The following SLC9A6 variants were observed in gnomAD, a reference collection of about 807,000 sequenced individuals.
SLC9A6 encodes sodium/hydrogen exchanger 6.
A neutral mutation model predicts 45.3 loss-of-function variants in SLC9A6; 6 were observed. The observed-to-expected ratio is 0.13, with a 90% CI of 0.07 to 0.26. The LOEUF (loss-of-function observed/expected upper bound fraction) is 0.26, where lower values mean the gene tolerates loss of function less well. SLC9A6 is among the 10% of genes least tolerant of loss of function. The probability of loss-of-function intolerance (pLI) is 1.00; values close to 1 mark genes in which losing one functional copy is unlikely to be tolerated. For synonymous variants in SLC9A6, 191 were observed against 187.7 expected, an observed-to-expected ratio of 1.02 and a Z score of -0.14; for missense variants, 278 against 503.7, an observed-to-expected ratio of 0.55 and a Z score of 4.29.
At chrX:135,985,971 C>G (rs1353572169) in intron 2 of SLC9A6, 144 bp downstream of exon 2, 3 of 708,778 alleles carry the variant, frequency 4.2e-6, no homozygotes, top group African/African-American at 4.3e-5. Context: ...TTCCCCCTAC[C>G]CCGCGTTTCT....
At chrX:136,020,948 T>C (rs782301714) in intron 11 of SLC9A6, among the ~76,000 whole-genome samples, 2 of 109,075 alleles carry the variant, frequency 1.8e-5, no homozygotes, top group Non-Finnish European at 3.8e-5. Context: ...AGCCCAAGAA[T>C]TGGCCATTTC....
chrX:136,028,428 G>T (rs1307265274), intron 13 of SLC9A6, among the ~76,000 whole-genome samples: 5 of 112,034 alleles, frequency 4.5e-5, no homozygotes, highest in Non-Finnish European at 9.4e-5. Flanking sequence ...GTTCCTTGAG[G>T]GCAGGGGCCA....
intron 11 of SLC9A6, among the ~76,000 whole-genome samples, chrX:136,020,906 G>A (rs894471464): frequency 2.8e-5 from 3 of 105,765 alleles, no homozygotes; most frequent in African/African-American, 1.0e-4. Context: ...ACTATAAGAT[G>A]CTTCAGGCTC....
chrX:135,984,311 C>T (rs185634118), upstream of SLC9A6, among the ~76,000 whole-genome samples: 866 of 111,544 alleles, frequency 7.8e-3, 2 homozygotes, highest in Non-Finnish European at 0.013. Context: ...GCAGGGGGAA[C>T]TCATTTCAAA....
upstream of SLC9A6, chrX:135,974,575 TTG>T: frequency 3.0e-6 from 1 of 337,360 alleles, no homozygotes; most frequent in South Asian, 2.6e-5. Flanking sequence ...CCCCTGACAG[TTG>T]TGTTTTGTGG....
rs1237957412 is a variant in SLC9A6 at position 136,047,050 on chromosome X, C to G, written c.*2326C>G. The G allele has an allele frequency of 8.9e-6, 1 of 112,441 alleles. No individual in the cohort carries two copies. Among genetic ancestry groups the G allele is most frequent in the Non-Finnish European group, 1.9e-5 (1 of 53,244 alleles). The allele number at this position is 112,441 out of a possible 1,213,427, so 9.3% of individuals were successfully genotyped here. On this transcript the variant is annotated 3_prime_UTR_variant, in exon 18 of 18. Transcript: ENST00000630721. The stretch of plus-strand genomic sequence containing the variant: ...AATCTTTATGTATTTTTTGTTTTCT[C>G]TGGAGTACTTGGACAGATGTTATAG...
At chrX:135,985,396 C>A (rs942892826), upstream of SLC9A6, 14 of 476,941 alleles carry the variant, frequency 2.9e-5, no homozygotes, top group Admixed American at 6.3e-4. Context: ...CGGCGGCGCG[C>A]GCTCCGACGG....
At chrX:135,975,349 A>C (rs1285623479) in intron 1 of SLC9A6, 1 of 112,409 alleles carries the variant, frequency 8.9e-6, no homozygotes, top group Non-Finnish European at 1.9e-5. Context: ...TCAGAATTCT[A>C]CGTTTTAGTT....
intron 17 of SLC9A6, among the ~76,000 whole-genome samples, chrX:136,043,338 C>G (rs1301310550): frequency 8.9e-6 from 1 of 112,278 alleles, no homozygotes; most frequent in Non-Finnish European, 1.9e-5. Flanking sequence ...GGACAATAGA[C>G]ATGTGCCACC....
chrX:136,032,747 T>C (rs1160788048), intron 15 of SLC9A6, among the ~76,000 whole-genome samples: 3 of 112,857 alleles, frequency 2.7e-5, no homozygotes, highest in Admixed American at 9.3e-5. Flanking sequence ...TGCTAGTTAT[T>C]TTCGAGATCC....
At chrX:136,030,247 C>A in intron 15 of SLC9A6, 85 bp downstream of exon 15, 1 of 913,714 alleles carries the variant, frequency 1.1e-6, no homozygotes, top group Non-Finnish European at 1.6e-6. Context: ...AAACTTCAAC[C>A]TTCTATTTAG....
intron 7 of SLC9A6, among the ~76,000 whole-genome samples, chrX:136,002,565 C>CT (rs782131320): frequency 4.4e-4 from 45 of 102,974 alleles, no homozygotes; most frequent in South Asian, 1.3e-3. Flanking sequence ...TATTTTCTTT[C>CT]TTTTTTTTTT....
At chrX:136,019,906 G>A (rs373820446) in intron 11 of SLC9A6, among the ~76,000 whole-genome samples, 2 of 111,923 alleles carry the variant, frequency 1.8e-5, no homozygotes, top group Non-Finnish European at 3.8e-5. Flanking sequence ...TCTCATATGT[G>A]TTCATTGTTT....
intron 16 of SLC9A6, among the ~76,000 whole-genome samples, chrX:136,039,250 A>G (rs1340398907): frequency 9.2e-6 from 1 of 108,544 alleles, no homozygotes; most frequent in African/African-American, 3.4e-5. Context: ...CGTACCTGCT[A>G]TGATCACCCA....
chrX:135,982,785 T>G (rs1228179219), upstream of SLC9A6, among the ~76,000 whole-genome samples: 2 of 112,496 alleles, frequency 1.8e-5, no homozygotes, highest in Non-Finnish European at 3.8e-5. Flanking sequence ...ATTAGCTTCT[T>G]AAGGGAGAAG....
chrX:136,010,610 CTTG>C (rs782198683), intron 8 of SLC9A6, 27 bp downstream of exon 8: 3 of 1,172,809 alleles, frequency 2.6e-6, no homozygotes, highest in Non-Finnish European at 3.5e-6. Context: ...TTTATCTTTT[CTTG>C]TTAACATAAT....
At chrX:136,023,454 T>C (rs2148188611) in intron 12 of SLC9A6, among the ~76,000 whole-genome samples, 1 of 107,863 alleles carries the variant, frequency 9.3e-6, no homozygotes, top group South Asian at 4.2e-4. Flanking sequence ...TGCTATGGAA[T>C]ACTACTGTGC....
At chrX:136,026,969 T>A (rs1199474014) in intron 13 of SLC9A6, among the ~76,000 whole-genome samples, 3 of 111,695 alleles carry the variant, frequency 2.7e-5, no homozygotes, top group Non-Finnish European at 5.6e-5. Flanking sequence ...CCAAGGATGC[T>A]GCTAAACATG....
At chrX:136,042,778 A>C (rs1347961317) in intron 17 of SLC9A6, among the ~76,000 whole-genome samples, 1 of 111,065 alleles carries the variant, frequency 9.0e-6, no homozygotes, top group African/African-American at 3.3e-5. Flanking sequence ...CACATCATGG[A>C]TACCTTTATA....
Sources: gnomAD v4.1 joint callset for allele counts (sites outside exome capture counted in the v4.1 genomes callset) on GRCh38, gnomAD v4.1.1 for gene constraint, MANE v1.5 for transcripts, NCBI Gene and HGNC (gene_info 2026-07-23, HGNC 2026-07-21) for gene names.